Variants in CTRC observed in about 807,000 individuals in gnomAD.
CTRC encodes the protein chymotrypsin C.
In CTRC, 32 loss-of-function variants were observed where a neutral mutation model predicts 35.7. That is an observed-to-expected ratio of 0.90 (90% confidence interval 0.68 to 1.20). The LOEUF (loss-of-function observed/expected upper bound fraction) is 1.20. Ranked by LOEUF, CTRC falls within the 50% of genes most tolerant of loss-of-function variation. CTRC has a pLI of 0.00. For synonymous variants in CTRC, 119 were observed against 149.5 expected, an observed-to-expected ratio of 0.80 and a Z score of 1.49; for missense variants, 324 against 361.5, an observed-to-expected ratio of 0.90 and a Z score of 0.84.
intron 7 of CTRC, 127 bp from the exon 8 acceptor site, chr1:15,446,448 A>C: frequency 1.1e-6 from 1 of 915,484 alleles, no homozygotes; most frequent in South Asian, 1.3e-5. Context: ...AACAGGGACA[A>C]GGCTGGCATG....
Position 15,440,321 on chromosome 1 carries a change from G to C in CTRC, c.62G>C (p.Ser21Thr). 1 of 1,579,388 alleles carries C rather than the reference G, an allele frequency of 6.3e-7. No homozygotes were observed. Residue 21 changes from serine to threonine, a missense_variant, in exon 2 of 8, where the codon AGC becomes ACC. By Grantham distance (58) the Ser-to-Thr change is moderately conservative (BLOSUM62 1). Coordinates refer to ENST00000375949, the MANE Select transcript of CTRC (RefSeq NM_007272.3). ...LACASSCGVP[S>T]FPPNLSARVV... The stretch of plus-strand genomic sequence containing the variant: ...CCAGCCTCCAGCTGTGGGGTGCCCA[G>C]CTTCCCGCCCAACCTATCCGCCCGA...
At chr1:15,441,709 G>A (rs962932159) in intron 3 of CTRC, among the ~76,000 whole-genome samples, 1 of 141,890 alleles carries the variant, frequency 7.0e-6, no homozygotes, top group Admixed American at 7.0e-5. Context: ...TTTTTTTTTG[G>A]TAGAGACAGA....
At chr1:15,444,348 T>C (rs1365636044) in intron 5 of CTRC, among the ~76,000 whole-genome samples, 1 of 151,828 alleles carries the variant, frequency 6.6e-6, no homozygotes, top group Non-Finnish European at 1.5e-5. Flanking sequence ...CCACAGGAAA[T>C]TATTGACAAT....
Position 15,446,693 on chromosome 1 carries a change from C to A in CTRC, c.*104C>A. On this transcript the variant is annotated 3_prime_UTR_variant, in exon 8 of 8. Transcript: ENST00000375949. Reference sequence around the variant, plus strand: ...TTTGTGCAGCTTCTGTTGCTTCCCTCCTCTCTGGTGCTGCCCCTTTCCACA... The same window carrying A: ...TTTGTGCAGCTTCTGTTGCTTCCCTACTCTCTGGTGCTGCCCCTTTCCACA... 1 of 1,336,534 alleles carries A rather than the reference C, an allele frequency of 7.5e-7. No homozygotes were observed. Among genetic ancestry groups the A allele is most frequent in the Non-Finnish European group, 1.1e-6 (1 of 928,168 alleles). 82.8% of individuals were successfully genotyped at this position (1,336,534 alleles called of 1,614,324 possible). A position where few individuals can be genotyped will look rare whatever the true frequency, so the allele number is the denominator to read the frequency against.
In CTRC at chr1:15,445,718, G is replaced by C. The variant is rs755811899; in HGVS notation, c.761G>C (p.Arg254Pro). The C allele has an allele frequency of 3.1e-6, 5 of 1,614,042 alleles. No homozygotes were observed. Among genetic ancestry groups the C allele is most frequent in the Non-Finnish European group, 4.2e-6 (5 of 1,180,032 alleles). ...NTRKKPVVYT[R>P]VSAYIDWINE... ...CGCAAGAAGCCGGTAGTCTACACCC[G>C]GGTGTCCGCCTACATCGACTGGATC... The change falls in exon 7 of 8, where the codon CGG becomes CCG. Residue 254 changes from arginine (R) to proline (P), a missense_variant. By Grantham distance (103) the Arg-to-Pro change is moderately radical (BLOSUM62 -2). Transcript: ENST00000375949.
chr1:15,442,329 C>A, intron 3 of CTRC, 118 bp from the exon 4 acceptor site: 1 of 1,327,558 alleles, frequency 7.5e-7, no homozygotes, highest in Non-Finnish European at 1.0e-6. Flanking sequence ...TGGGAAAGGA[C>A]AATGGGAACA....
chr1:15,442,356 T>A lies in CTRC; in HGVS notation c.231-91T>A, dbSNP rs1223424384. 4.0e-6 allele frequency: 6 copies of A among 1,482,830 alleles called. No homozygotes were observed. The East Asian group carries it at 1.5e-4, about 37-fold the overall frequency. The allele number at this position is 1,482,830 out of a possible 1,614,324, so 91.9% of individuals were successfully genotyped here. ...ATGGGAACACTCTCTTCCCCCAAAA[T>A]GAGTCCCACTAAAGCCCCGAGCTCC... is the stretch of plus-strand genomic sequence containing the variant. On this transcript the variant is annotated intron_variant, in intron 3 of 7. Coordinates refer to ENST00000375949, the MANE Select transcript of CTRC (RefSeq NM_007272.3).
intron 1 of CTRC, 76 bp from the exon 2 acceptor site, chr1:15,440,224 C>CAGGG: frequency 1.6e-6 from 1 of 627,524 alleles, no homozygotes. Flanking sequence ...CTTCTTCCAC[C>CAGGG]TGCCCACCCT....
At position 15,440,362 on chromosome 1, in the gene CTRC, G is replaced by T; in HGVS notation, c.103G>T (p.Asp35Tyr). ...NLSARVVGGE[D>Y]ARPHSWPWQI... ...ATCCGCCCGAGTGGTGGGAGGAGAG[G>T]ATGCCCGGCCCCACAGCTGGCCCTG... Residue 35 changes from aspartate to tyrosine, a missense_variant, in exon 2 of 8, where the codon GAT becomes TAT. Asp to Tyr is a radical substitution (Grantham distance 160). Transcript: ENST00000375949. The T allele has an allele frequency of 6.2e-7, 1 of 1,612,302 alleles. No individual in the cohort carries two copies. Among genetic ancestry groups the T allele is most frequent in the South Asian group, 1.1e-5 (1 of 90,714 alleles).
At chr1:15,442,663 T>C in intron 4 of CTRC, 91 bp downstream of exon 4, 1 of 1,543,794 alleles carries the variant, frequency 6.5e-7, no homozygotes, top group Non-Finnish European at 8.9e-7. Context: ...TCGCACCCCA[T>C]ACCTGACACC....
rs1708222395 is a variant in CTRC, at chr1:15,446,429, G to A, written c.793-146G>A. On this transcript the variant is annotated intron_variant, in intron 7 of 7. Coordinates refer to ENST00000375949, the MANE Select transcript of CTRC (RefSeq NM_007272.3). ...GTGGCCTGAAATGCTGAGGGCCTCA[G>A]ACCCCTTGAACAGGGACAAGGCTGG... 80 of 795,660 alleles carry A rather than the reference G, an allele frequency of 1.0e-4. No individual in the cohort carries two copies. The South Asian group carries it at 1.1e-3, about 11-fold the overall frequency. 49.3% of individuals were successfully genotyped at this position (795,660 alleles called of 1,614,324 possible). A position where few individuals can be genotyped will look rare whatever the true frequency, so the allele number is the denominator to read the frequency against.
intron 4 of CTRC, 57 bp downstream of exon 4, chr1:15,442,629 C>G: frequency 6.2e-7 from 1 of 1,610,592 alleles, no homozygotes; most frequent in South Asian, 1.1e-5. Context: ...AGGAGGGGTC[C>G]CCAAGACGGA....
chr1:15,439,100 G>A (rs543285236), intron 1 of CTRC, among the ~76,000 whole-genome samples: 2 of 152,236 alleles, frequency 1.3e-5, no homozygotes, highest in African/African-American at 4.8e-5. Context: ...TTACATGTAG[G>A]AGCCAATTTA....
Position 15,447,148 on chromosome 1 carries a change from C to A in CTRC, c.*559C>A. The A allele has an allele frequency of 4.5e-6, 1 of 221,484 alleles. No homozygotes were observed. Among genetic ancestry groups the A allele is most frequent in the South Asian group, 7.0e-5 (1 of 14,368 alleles). 13.7% of individuals were successfully genotyped at this position (221,484 alleles called of 1,614,324 possible). ...GGGGAAGGGGCTCCCTAGCAGGGAC[C>A]CCCCACCCCCACCCCGCAGCACAGA... is the stretch of plus-strand genomic sequence containing the variant. On this transcript the variant is annotated 3_prime_UTR_variant, in exon 8 of 8. Transcript: ENST00000375949.
At position 15,447,312 on chromosome 1, in the gene CTRC, T is replaced by C. The variant is rs1708237307; in HGVS notation, c.*723T>C. 6.4e-6 allele frequency: 1 copy of C among 155,716 alleles called. No individual in the cohort carries two copies. Among genetic ancestry groups the C allele is most frequent in the Admixed American group, 6.3e-5 (1 of 15,948 alleles). The allele number at this position is 155,716 out of a possible 1,614,324, so 9.6% of individuals were successfully genotyped here. On this transcript the variant is annotated 3_prime_UTR_variant, in exon 8 of 8. Coordinates refer to ENST00000375949, the MANE Select transcript of CTRC (RefSeq NM_007272.3). ...CAGCATCATCCTCAGGAGACATACG[T>C]TTGAAGAAGGCAATGGTTTCCACAC...
Position 15,442,511 on chromosome 1 carries a change from T to C in CTRC, c.295T>C (p.Ser99Pro). The change falls in exon 4 of 8, where the codon TCC becomes CCC. Residue 99 changes from serine (S) to proline (P), a missense_variant. By Grantham distance (74) the Ser-to-Pro change is moderately conservative. Transcript: ENST00000375949. ...NNLEVEDEEGSLFVGVDTIHV... is the reference protein window; with the variant it reads ...NNLEVEDEEGPLFVGVDTIHV... ...CCTGGAGGTGGAAGACGAAGAAGGA[T>C]CCCTGTTTGTGGGTGTGGACACCAT... The C allele has an allele frequency of 1.9e-6, 3 of 1,614,070 alleles. No individual in the cohort carries two copies. Among genetic ancestry groups the C allele is most frequent in the African/African-American group, 2.7e-5 (2 of 75,004 alleles).
rs1054376575 is a variant in CTRC at position 15,438,576 on chromosome 1, G to A, written c.40+72G>A. The A allele has an allele frequency of 3.2e-6, 5 of 1,538,816 alleles. No individual in the cohort carries two copies. In the African/African-American group the frequency reaches 5.4e-5, roughly 17 times the overall value. On this transcript the variant is annotated intron_variant, in intron 1 of 7. Coordinates refer to ENST00000375949, the MANE Select transcript of CTRC (RefSeq NM_007272.3). ...TGGCCTCCAGGGCAAGGACGGGATG[G>A]GGAGTGGGGGGGCCTCTGCTCTCCA...
At chr1:15,445,194 T>C (rs573539063) in intron 6 of CTRC, among the ~76,000 whole-genome samples, 4 of 152,062 alleles carry the variant, frequency 2.6e-5, no homozygotes, top group Non-Finnish European at 5.9e-5. Context: ...AATGTCCTGT[T>C]TTCAAACACA....
At chr1:15,441,916 A>G (rs1016991891) in intron 3 of CTRC, among the ~76,000 whole-genome samples, 2 of 151,790 alleles carry the variant, frequency 1.3e-5, no homozygotes, top group Non-Finnish European at 2.9e-5. Context: ...TAAGTTTTCT[A>G]TTTTTTGTAG....
Sources: gnomAD v4.1 joint callset for allele counts (sites outside exome capture counted in the v4.1 genomes callset) on GRCh38, gnomAD v4.1.1 for gene constraint, MANE v1.5 for transcripts, NCBI Gene and HGNC (gene_info 2026-07-23, HGNC 2026-07-21) for gene names.